The following CR1L variants were observed in gnomAD, a reference collection of about 807,000 sequenced individuals.
The protein encoded by CR1L is complement C3b/C4b receptor 1 like.
CR1L carries 59 observed loss-of-function variants against 62.3 expected under a neutral mutation model. The observed-to-expected ratio is 0.95, with a 90% confidence interval of 0.77 to 1.18. The LOEUF (loss-of-function observed/expected upper bound fraction) is 1.18, where lower values mean the gene tolerates loss of function less well. Among genes scored for constraint, CR1L ranks in the 50% most tolerant of loss-of-function variants. The pLI is 0.00. For missense variants in CR1L, 700 were observed against 702.8 expected (o/e 1.00, Z 0.04); for synonymous variants, 279 against 248.7 (o/e 1.12, Z -1.15).
intron 1 of CR1L, chr1:207,657,269 A>G: frequency 1.3e-6 from 2 of 1,536,632 alleles, no homozygotes; most frequent in Admixed American, 3.3e-5. Context: ...AGAGAGCACG[A>G]TTTATTGTGG....
At chr1:207,677,252 G>A in intron 1 of CR1L, 137 bp from the exon 2 acceptor site, 3 of 819,076 alleles carry the variant, frequency 3.7e-6, no homozygotes, top group Non-Finnish European at 5.1e-6. Flanking sequence ...GAACCTGTGA[G>A]GCAGAGGATC....
At chr1:207,689,030 G>T (rs896750569) in intron 4 of CR1L, among the ~76,000 whole-genome samples, 6 of 151,766 alleles carry the variant, frequency 4.0e-5, no homozygotes, top group Non-Finnish European at 8.8e-5. Flanking sequence ...TTATTGCATT[G>T]GCTAGAACCT....
At chr1:207,705,318 G>A (rs969222399) in intron 9 of CR1L, among the ~76,000 whole-genome samples, 5 of 152,212 alleles carry the variant, frequency 3.3e-5, no homozygotes, top group Non-Finnish European at 5.9e-5. Flanking sequence ...GGGACTGGGG[G>A]TTAAGACTTC....
At chr1:207,716,390 A>G (rs1320383914) in intron 10 of CR1L, among the ~76,000 whole-genome samples, 1 of 152,228 alleles carries the variant, frequency 6.6e-6, no homozygotes, top group Admixed American at 6.5e-5. Context: ...TAAATAAAAT[A>G]TCCCAAAATT....
chr1:207,668,878 A>T (rs1177537308), intron 1 of CR1L, among the ~76,000 whole-genome samples: 1 of 150,880 alleles, frequency 6.6e-6, no homozygotes, highest in Non-Finnish European at 1.5e-5. Flanking sequence ...CATACTATAC[A>T]CAGATTTACA....
intron 10 of CR1L, 140 bp from the exon 11 acceptor site, chr1:207,717,324 G>T (rs1163964500): frequency 2.0e-6 from 2 of 1,009,910 alleles, no homozygotes; most frequent in African/African-American, 3.3e-5. Context: ...AAGCCTTACA[G>T]ATTTAAATTC....
intron 5 of CR1L, among the ~76,000 whole-genome samples, chr1:207,696,944 C>T (rs184227226): frequency 1.6e-4 from 24 of 152,284 alleles, no homozygotes; most frequent in African/African-American, 4.8e-4. Flanking sequence ...TGCTGCATAG[C>T]ATGAAGGGAG....
At chr1:207,687,383 A>G (rs1391752626) in intron 4 of CR1L, among the ~76,000 whole-genome samples, 1 of 152,184 alleles carries the variant, frequency 6.6e-6, no homozygotes, top group East Asian at 1.9e-4. Flanking sequence ...ATATATATGT[A>G]GTAAAGTGCA....
intron 1 of CR1L, among the ~76,000 whole-genome samples, chr1:207,663,835 C>G (rs1663467759): frequency 1.3e-5 from 2 of 152,180 alleles, no homozygotes; most frequent in Non-Finnish European, 2.9e-5. Context: ...GTTCCTACTG[C>G]AGGACTCTTT....
chr1:207,710,567 T>C, intron 10 of CR1L: 2 of 1,609,962 alleles, frequency 1.2e-6, no homozygotes, highest in Non-Finnish European at 1.7e-6. Flanking sequence ...AGTGGTCGTC[T>C]GGAGCGGCCC....
chr1:207,711,717 G>A (rs1470687165), intron 10 of CR1L, among the ~76,000 whole-genome samples: 3 of 152,132 alleles, frequency 2.0e-5, no homozygotes, highest in Non-Finnish European at 4.4e-5. Flanking sequence ...GACCAGCCTG[G>A]CCAACATGGT....
intron 9 of CR1L, among the ~76,000 whole-genome samples, chr1:207,705,007 T>G (rs1052417651): frequency 1.1e-4 from 16 of 152,198 alleles, no homozygotes; most frequent in African/African-American, 3.4e-4. Flanking sequence ...GGGAAGACCA[T>G]GCTCCCTCTG....
intron 10 of CR1L, among the ~76,000 whole-genome samples, chr1:207,712,050 G>A (rs1320688694): frequency 2.0e-5 from 3 of 152,334 alleles, no homozygotes; most frequent in Middle Eastern, 3.4e-3. Flanking sequence ...TCTGCAAAGG[G>A]CAATGCCTTT....
intron 4 of CR1L, among the ~76,000 whole-genome samples, chr1:207,684,643 C>A (rs1486603600): frequency 6.6e-6 from 1 of 152,022 alleles, no homozygotes; most frequent in East Asian, 1.9e-4. Flanking sequence ...ATAAGTATAT[C>A]CATACACTGG....
chr1:207,655,311 A>T (rs1571642955), intron 1 of CR1L: 1 of 510,962 alleles, frequency 2.0e-6, no homozygotes, highest in Admixed American at 3.2e-5. Flanking sequence ...TTTAATTCAG[A>T]CCAGTAGTCC....
chr1:207,710,407 C>T, intron 10 of CR1L: 3 of 1,542,846 alleles, frequency 1.9e-6, no homozygotes, highest in South Asian at 2.2e-5. Context: ...TACCCCCCAA[C>T]ATCACCAATG....
At chr1:207,677,604 C>T (rs1355649630) in intron 2 of CR1L, 36 bp downstream of exon 2, 1 of 1,594,500 alleles carries the variant, frequency 6.3e-7, no homozygotes, top group East Asian at 2.2e-5. Flanking sequence ...CTCTGTTAGT[C>T]AAACATCTGT....
chr1:207,717,039 A>T (rs1427256817), intron 10 of CR1L, among the ~76,000 whole-genome samples: 1 of 152,224 alleles, frequency 6.6e-6, no homozygotes, highest in East Asian at 1.9e-4. Flanking sequence ...GCTAAAGATG[A>T]TAGTTCATGA....
At chr1:207,655,220 T>C (rs1186092977) in intron 1 of CR1L, 5 of 691,628 alleles carry the variant, frequency 7.2e-6, no homozygotes, top group African/African-American at 3.6e-5. Flanking sequence ...AAATTCTATA[T>C]TGTGAACTTA....
Sources: allele counts gnomAD v4.1 joint callset (sites outside exome capture counted in the v4.1 genomes callset), GRCh38; gene constraint gnomAD v4.1.1; transcripts MANE v1.5; gene names NCBI Gene and HGNC (gene_info 2026-07-23, HGNC 2026-07-21).